Variants in DMRT1 observed in about 807,000 individuals in gnomAD.
DMRT1 encodes the protein doublesex and mab-3 related transcription factor 1.
In DMRT1, 7 loss-of-function variants were observed where a neutral mutation model predicts 32.3. The observed-to-expected ratio is 0.22, with a 90% CI of 0.12 to 0.41. The LOEUF is 0.41. Ranked by LOEUF, DMRT1 falls within the 10% of genes least tolerant of loss-of-function variation. The pLI, the probability that DMRT1 is intolerant of heterozygous loss-of-function variation, is 1.00. For missense variants in DMRT1, 625 were observed against 500.5 expected, an observed-to-expected ratio of 1.25 and a Z score of -2.37; for synonymous variants, 278 against 206.1, an observed-to-expected ratio of 1.35 and a Z score of -2.99.
intron 2 of DMRT1, among the ~76,000 whole-genome samples, chr9:868,532 A>G (rs1050595823): frequency 1.2e-4 from 19 of 152,226 alleles, no homozygotes; most frequent in Admixed American, 1.0e-3. Context: ...TTTCAATCGC[A>G]GTTCCAGCTA....
chr9:846,894 G>T (rs576478436), intron 1 of DMRT1, 66 bp from the exon 2 acceptor site: 8 of 1,588,878 alleles, frequency 5.0e-6, no homozygotes, highest in African/African-American at 1.3e-5. Flanking sequence ...GATGGGTGGG[G>T]CTTCTGTGTT....
rs749346905 is a variant in DMRT1 at position 841,942 on chromosome 9, C to T, written c.104C>T (p.Ser35Phe). The T allele has an allele frequency of 6.2e-7, 1 of 1,602,804 alleles. No individual in the cohort carries two copies. The highest frequency in any genetic ancestry group is 1.1e-5 in the South Asian group (1 of 89,734). ...QGRAGGFGKA[S>F]GALVGAASGS... ...AGAGCCGGGGGCTTTGGCAAAGCGT[C>T]TGGGGCGCTAGTGGGGGCGGCCAGC... The change falls in exon 1 of 5, where the codon TCT becomes TTT. Residue 35 changes from serine to phenylalanine, a missense_variant. By Grantham distance (155) the Ser-to-Phe change is radical. Coordinates refer to ENST00000382276, the MANE Select transcript of DMRT1 (RefSeq NM_021951.3).
In DMRT1 at chr9:841,697, A is replaced by G; in HGVS notation, c.-142A>G. On this transcript the variant is annotated 5_prime_UTR_variant, in exon 1 of 5. Coordinates refer to ENST00000382276, the MANE Select transcript of DMRT1 (RefSeq NM_021951.3). Reference sequence around the variant, plus strand: ...GGGCGTGGCGTGCCCAGACCTCGCCACTCCAGCTGCGCCTCCGGCTGCAGC... The same window carrying G: ...GGGCGTGGCGTGCCCAGACCTCGCCGCTCCAGCTGCGCCTCCGGCTGCAGC... The G allele has an allele frequency of 6.6e-7, 1 of 1,520,066 alleles. No homozygotes were observed. The allele number at this position is 1,520,066 out of a possible 1,614,324, so 94.2% of individuals were successfully genotyped here.
intron 4 of DMRT1, among the ~76,000 whole-genome samples, chr9:960,016 C>T (rs984102118): frequency 6.6e-6 from 1 of 152,202 alleles, no homozygotes; most frequent in African/African-American, 2.4e-5. Flanking sequence ...ACATTCGCAG[C>T]TCAATTTCCA....
chr9:863,147 T>TTAAAA (rs1554745407), intron 2 of DMRT1, among the ~76,000 whole-genome samples: 1 of 24,216 alleles, frequency 4.1e-5, no homozygotes, highest in Non-Finnish European at 8.1e-5. Context: ...ATCAGGTCTC[T>TTAAAA]ACAAAAAAAA....
intron 4 of DMRT1, among the ~76,000 whole-genome samples, chr9:945,982 A>G (rs570500949): frequency 9.9e-5 from 15 of 152,144 alleles, no homozygotes; most frequent in Non-Finnish European, 2.1e-4. Flanking sequence ...CCTTTTTTCA[A>G]TCAATGCTTG....
intron 2 of DMRT1, among the ~76,000 whole-genome samples, chr9:847,902 T>C (rs1838973487): frequency 6.6e-6 from 1 of 152,374 alleles, no homozygotes; most frequent in East Asian, 1.9e-4. Context: ...CCACATTTCA[T>C]GTGCTTAATA....
chr9:939,787 T>C (rs1341044350), intron 4 of DMRT1, among the ~76,000 whole-genome samples: 1 of 152,228 alleles, frequency 6.6e-6, no homozygotes, highest in Non-Finnish European at 1.5e-5. Context: ...TTCATATAGA[T>C]ACTACATATT....
intron 4 of DMRT1, among the ~76,000 whole-genome samples, chr9:927,636 C>A (rs1239684835): frequency 6.6e-6 from 1 of 152,138 alleles, no homozygotes; most frequent in Non-Finnish European, 1.5e-5. Context: ...GCATATACTT[C>A]CCATCTTGCC....
intron 2 of DMRT1, among the ~76,000 whole-genome samples, chr9:880,455 G>T (rs1211259040): frequency 2.0e-5 from 3 of 151,796 alleles, no homozygotes; most frequent in African/African-American, 7.3e-5. Flanking sequence ...GGCTGGGCGT[G>T]GTGGCTTACA....
At chr9:925,423 C>T (rs368133059) in intron 4 of DMRT1, among the ~76,000 whole-genome samples, 94 of 152,206 alleles carry the variant, frequency 6.2e-4, no homozygotes, top group East Asian at 5.2e-3. Flanking sequence ...ACTTAATTAT[C>T]TATGTGTGAC....
rs113309928 is a variant in DMRT1, at chr9:862,987, C to T, written c.538+15844C>T. On this transcript the variant is annotated intron_variant, in intron 2 of 4. Coordinates refer to ENST00000382276, the MANE Select transcript of DMRT1 (RefSeq NM_021951.3). The stretch of plus-strand genomic sequence containing the variant: ...ATGAGTGAGATGATCCTGGATTTTC[C>T]GGATGGGCACAATCTAATGGCATGA... Among the ~76,000 whole-genome samples, 1,251 of 151,930 alleles carry T rather than the reference C, an allele frequency of 8.2e-3. 18 individuals are homozygous for T. The highest frequency in any genetic ancestry group is 0.029 in the African/African-American group (1,198 of 41,402).
chr9:888,471 C>G (rs1329869411), intron 2 of DMRT1, among the ~76,000 whole-genome samples: 2 of 151,962 alleles, frequency 1.3e-5, no homozygotes, highest in African/African-American at 4.8e-5. Flanking sequence ...CATGCCCAGC[C>G]AATTTTTATA....
At chr9:861,629 A>ACGGGGCCGCGGCCGGGC (rs1232239453) in intron 2 of DMRT1, among the ~76,000 whole-genome samples, 1 of 148,316 alleles carries the variant, frequency 6.7e-6, no homozygotes. Flanking sequence ...CACTTCCCAG[A>ACGGGGCCGCGGCCGGGC]AGGGGCAGCG....
intron 3 of DMRT1, among the ~76,000 whole-genome samples, chr9:905,651 G>A (rs1016648704): frequency 3.9e-5 from 6 of 152,134 alleles, no homozygotes; most frequent in African/African-American, 7.2e-5. Context: ...CCGTTCTCCC[G>A]TTGACAGAAG....
chr9:941,690 A>C (rs1819079217), intron 4 of DMRT1, among the ~76,000 whole-genome samples: 1 of 152,154 alleles, frequency 6.6e-6, no homozygotes, highest in South Asian at 2.1e-4. Flanking sequence ...TAGGATGGTA[A>C]ATTTTATGTT....
At chr9:912,009 A>G (rs780200606) in intron 3 of DMRT1, among the ~76,000 whole-genome samples, 19 of 152,180 alleles carry the variant, frequency 1.2e-4, no homozygotes, top group Non-Finnish European at 2.4e-4. Flanking sequence ...TGGGTAATTT[A>G]TAAATAAAAA....
At chr9:869,629 G>A (rs550210989) in intron 2 of DMRT1, among the ~76,000 whole-genome samples, 1 of 151,884 alleles carries the variant, frequency 6.6e-6, no homozygotes, top group Non-Finnish European at 1.5e-5. Context: ...CCCCTCTCTT[G>A]TTCTCTTTGA....
chr9:856,220 T>C (rs1189985947), intron 2 of DMRT1, among the ~76,000 whole-genome samples: 1 of 152,180 alleles, frequency 6.6e-6, no homozygotes, highest in Non-Finnish European at 1.5e-5. Context: ...CCCGGTGACC[T>C]CTGAATTTTT....
Sources: allele counts gnomAD v4.1 joint callset (sites outside exome capture counted in the v4.1 genomes callset), GRCh38; gene constraint gnomAD v4.1.1; transcripts MANE v1.5; gene names NCBI Gene and HGNC (gene_info 2026-07-23, HGNC 2026-07-21).